The following EVC2 variants were observed in gnomAD, a reference collection of about 807,000 sequenced individuals.
EVC2 encodes the protein limbin.
In EVC2, 148 loss-of-function variants were observed where a neutral mutation model predicts 149.3. The observed-to-expected ratio is 0.99, with a 90% CI of 0.87 to 1.14. The LOEUF is 1.14. Among genes scored for constraint, EVC2 ranks in the 50% most tolerant of loss-of-function variants. EVC2 has a pLI of 0.00. For missense variants in EVC2, 1,854 were observed against 1,627.3 expected, an observed-to-expected ratio of 1.14 and a Z score of -2.40; for synonymous variants, 776 against 649.9, an observed-to-expected ratio of 1.19 and a Z score of -2.95.
chr4:5,652,046 G>A (rs575625257), intron 9 of EVC2, among the ~76,000 whole-genome samples: 3 of 152,342 alleles, frequency 2.0e-5, no homozygotes, highest in African/African-American at 7.2e-5. Flanking sequence ...CAGGGAACAG[G>A]GGGAAGCTGG....
downstream of EVC2, among the ~76,000 whole-genome samples, chr4:5,539,813 C>A (rs569102723): frequency 7.2e-4 from 109 of 151,708 alleles, no homozygotes; most frequent in Non-Finnish European, 1.4e-3. Context: ...TAAAGTGTGA[C>A]CTTGAGTTGA....
chr4:5,582,008 G>C (rs1260129663), intron 17 of EVC2, among the ~76,000 whole-genome samples: 1 of 152,210 alleles, frequency 6.6e-6, no homozygotes, highest in African/African-American at 2.4e-5. Context: ...CTAGATTTCA[G>C]AGGATATATG....
the EVC2 span, among the ~76,000 whole-genome samples, chr4:5,533,408 G>T: frequency 2.6e-5 from 4 of 152,174 alleles, no homozygotes; most frequent in African/African-American, 7.2e-5. Flanking sequence ...CAGAGCCAGT[G>T]GGGGGTGGAG....
the EVC2 span, among the ~76,000 whole-genome samples, chr4:5,532,305 G>A: frequency 3.9e-5 from 6 of 152,154 alleles, no homozygotes; most frequent in African/African-American, 1.4e-4. Flanking sequence ...CTGATTGGAC[G>A]AGGCCCACCC....
intron 6 of EVC2, among the ~76,000 whole-genome samples, chr4:5,682,316 C>G (rs1375409802): frequency 6.6e-6 from 1 of 151,350 alleles, no homozygotes; most frequent in African/African-American, 2.4e-5. Context: ...TGTAGTGAAA[C>G]CCCATCTCTA....
At chr4:5,575,836 T>C (rs891819448) in intron 18 of EVC2, among the ~76,000 whole-genome samples, 6 of 152,228 alleles carry the variant, frequency 3.9e-5, no homozygotes, top group Admixed American at 1.3e-4. Context: ...ACTATGCTTA[T>C]GGTGAAATTG....
At chr4:5,631,007 C>G (rs1480904043) in intron 11 of EVC2, among the ~76,000 whole-genome samples, 1 of 152,160 alleles carries the variant, frequency 6.6e-6, no homozygotes, top group Non-Finnish European at 1.5e-5. Context: ...TGTGCATGCA[C>G]TTGTGCATGT....
At chr4:5,551,084 T>G (rs1721727434) in intron 21 of EVC2, among the ~76,000 whole-genome samples, 1 of 152,062 alleles carries the variant, frequency 6.6e-6, no homozygotes, top group African/African-American at 2.4e-5. Flanking sequence ...GCCAGGGCAG[T>G]GTGAAAGGAA....
chr4:5,529,201 A>G, the EVC2 span, among the ~76,000 whole-genome samples: 2 of 152,164 alleles, frequency 1.3e-5, no homozygotes, highest in African/African-American at 4.8e-5. The surrounding 1 kb of genome is among the most constrained non-coding windows in gnomAD (Gnocchi z 4.5). Flanking sequence ...TGGGAGAATG[A>G]GGCTACCTCA....
chr4:5,661,689 T>C (rs1277352992), intron 9 of EVC2, among the ~76,000 whole-genome samples: 1 of 152,262 alleles, frequency 6.6e-6, no homozygotes, highest in Non-Finnish European at 1.5e-5. Context: ...GCCATGCTGA[T>C]GAACCTCATC....
chr4:5,600,296 T>C (rs1713870603), intron 16 of EVC2, among the ~76,000 whole-genome samples: 1 of 152,200 alleles, frequency 6.6e-6, no homozygotes, highest in African/African-American at 2.4e-5. Flanking sequence ...TTTCACATCA[T>C]TATTAAATAG....
rs79476048 is a variant in EVC2, at chr4:5,633,162, C to T, written c.1471-1130G>A. Reference sequence around the variant, plus strand: ...AAACAGCCAGGCTGTAAACTGTCTCCGCAGAAGGGAAACTTCTAGGAGCTG... The same window carrying T: ...AAACAGCCAGGCTGTAAACTGTCTCTGCAGAAGGGAAACTTCTAGGAGCTG... On this transcript the variant is annotated intron_variant, in intron 10 of 21. Coordinates refer to ENST00000344408, the MANE Select transcript of EVC2 (RefSeq NM_147127.5). The surrounding 1 kb of genome is among the most constrained non-coding windows in gnomAD (Gnocchi z 4.4). 0.024 allele frequency among the ~76,000 whole-genome samples: 3,699 copies of T among 152,284 alleles called. 51 individuals carry two copies. The highest frequency in any genetic ancestry group is 0.031 in the Non-Finnish European group (2,077 of 68,014).
At chr4:5,676,639 T>C (rs1279930526) in intron 7 of EVC2, among the ~76,000 whole-genome samples, 3 of 152,134 alleles carry the variant, frequency 2.0e-5, no homozygotes, top group Admixed American at 1.3e-4. Flanking sequence ...TGGCTTAACC[T>C]AGAAGTCAGA....
intron 16 of EVC2, among the ~76,000 whole-genome samples, chr4:5,589,021 A>T (rs747510339): frequency 6.6e-6 from 1 of 152,202 alleles, no homozygotes; most frequent in Non-Finnish European, 1.5e-5. Flanking sequence ...TTTTCTCCTC[A>T]TGAGGAGTTA....
chr4:5,643,332 T>G (rs1480914977), intron 9 of EVC2, among the ~76,000 whole-genome samples: 3 of 152,194 alleles, frequency 2.0e-5, no homozygotes, highest in Non-Finnish European at 4.4e-5. Flanking sequence ...GATAATTCTA[T>G]AAAAATAGAC....
At chr4:5,570,704 TA>T (rs1455896957) in intron 19 of EVC2, among the ~76,000 whole-genome samples, 1 of 152,184 alleles carries the variant, frequency 6.6e-6, no homozygotes, top group Non-Finnish European at 1.5e-5. Context: ...TGCATGTTTA[TA>T]GCAGCACGAT....
rs1310133768 is a variant in EVC2, at chr4:5,574,767, C to T, written c.3278G>A (p.Arg1093Lys). 3.7e-6 allele frequency: 6 copies of T among 1,614,034 alleles called. No individual in the cohort carries two copies. In the African/African-American group the frequency reaches 6.7e-5, roughly 18 times the overall value. ...CACGACACTGTTCTGTTGTTCCTCT[C>T]TCAAACTGGAGTGAAAATAAAATAT... ...TLLEQHQQCL[R>K]EEQQNSVVLE... Residue 1093 changes from arginine to lysine, a missense_variant, in exon 19 of 22, where the codon AGA (arginine) becomes AAA (lysine). By Grantham distance (26) the Arg-to-Lys change is conservative (BLOSUM62 2). Coordinates refer to ENST00000344408, the MANE Select transcript of EVC2 (RefSeq NM_147127.5).
chr4:5,553,685 C>G (rs956264582), intron 21 of EVC2, among the ~76,000 whole-genome samples: 2 of 152,178 alleles, frequency 1.3e-5, no homozygotes, highest in Non-Finnish European at 2.9e-5. Context: ...AAAGTGTTCA[C>G]TTTAAATGGG....
upstream of EVC2, chr4:5,708,888 G>A (rs960606394): frequency 6.4e-5 from 12 of 188,102 alleles, no homozygotes; most frequent in Non-Finnish European, 1.3e-4. Flanking sequence ...CTGACACACG[G>A]ATGTGAATCC....
Sources: gnomAD v4.1 joint callset for allele counts (sites outside exome capture counted in the v4.1 genomes callset) on GRCh38, gnomAD v4.1.1 for gene constraint, Gnocchi (gnomAD v3.1) non-coding constraint, MANE v1.5 for transcripts, NCBI Gene and HGNC (gene_info 2026-07-23, HGNC 2026-07-21) for gene names.